Variants in TEX36 observed in about 807,000 individuals in gnomAD.
TEX36 encodes the protein testis-expressed protein 36.
In TEX36, 12 loss-of-function variants were observed where a neutral mutation model predicts 13.6. The ratio of observed to expected loss-of-function variants is 0.88; its 90% CI spans 0.56 to 1.43. The LOEUF is 1.43. Ranked by LOEUF, TEX36 falls within the 40% of genes most tolerant of loss-of-function variation. TEX36 has a pLI of 0.00. For missense variants in TEX36, 224 were observed against 228.3 expected, an observed-to-expected ratio of 0.98 and a Z score of 0.12; for synonymous variants, 93 against 83.0, an observed-to-expected ratio of 1.12 and a Z score of -0.65.
At chr10:125,582,193 G>C (rs1479865710) in intron 3 of TEX36, among the ~76,000 whole-genome samples, 1 of 152,218 alleles carries the variant, frequency 6.6e-6, no homozygotes, top group African/African-American at 2.4e-5. Context: ...TGCCCTCAGG[G>C]AGGGCTGGCA....
chr10:125,641,410 C>G (rs758427601), intron 3 of TEX36, among the ~76,000 whole-genome samples: 21 of 152,200 alleles, frequency 1.4e-4, no homozygotes, highest in Non-Finnish European at 5.9e-5. Flanking sequence ...TGTCTGAGGG[C>G]CTTTACATCT....
At chr10:125,622,754 A>T (rs368948835) in intron 3 of TEX36, among the ~76,000 whole-genome samples, 1 of 152,204 alleles carries the variant, frequency 6.6e-6, no homozygotes, top group African/African-American at 2.4e-5. Context: ...CCTTACCTTC[A>T]TCGAGGAGTA....
chr10:125,578,294 G>T (rs1001383770), intron 3 of TEX36: 1 of 152,164 alleles, frequency 6.6e-6, no homozygotes, highest in East Asian at 1.9e-4. Context: ...TGAAATTCAC[G>T]TCAAAATGAA....
downstream of TEX36, among the ~76,000 whole-genome samples, chr10:125,654,756 C>T (rs1846913824): frequency 1.3e-5 from 2 of 152,064 alleles, 1 homozygote; most frequent in Admixed American, 1.3e-4. Flanking sequence ...CCTTAAATAT[C>T]CTTAAATATT....
At chr10:125,578,432 G>A (rs982659104) in intron 3 of TEX36, 15 of 152,300 alleles carry the variant, frequency 9.8e-5, no homozygotes, top group East Asian at 3.9e-4. Context: ...TTAAATTGTC[G>A]TCAGTTAACA....
intron 3 of TEX36, among the ~76,000 whole-genome samples, chr10:125,656,994 T>G (rs1423529235): frequency 6.6e-6 from 1 of 152,128 alleles, no homozygotes; most frequent in African/African-American, 2.4e-5. Flanking sequence ...CACCTTTAGG[T>G]CCTGGCCCAC....
intron 3 of TEX36, among the ~76,000 whole-genome samples, chr10:125,623,285 C>T (rs1194954496): frequency 1.3e-5 from 2 of 152,184 alleles, no homozygotes; most frequent in African/African-American, 4.8e-5. Flanking sequence ...GCTCTGGCAG[C>T]TGATGGGATA....
At chr10:125,664,162 G>A (rs893537279) in intron 1 of TEX36, among the ~76,000 whole-genome samples, 1 of 152,028 alleles carries the variant, frequency 6.6e-6, no homozygotes, top group Admixed American at 6.6e-5. Flanking sequence ...TGTTGCAAAT[G>A]ACAGAATCTC....
downstream of TEX36, among the ~76,000 whole-genome samples, chr10:125,653,744 CA>C (rs1846900905): frequency 6.6e-6 from 1 of 152,098 alleles, no homozygotes; most frequent in Non-Finnish European, 1.5e-5. Flanking sequence ...CCTCTAATCC[CA>C]GCACAGGAGG....
intron 3 of TEX36, among the ~76,000 whole-genome samples, chr10:125,614,519 C>T (rs919866676): frequency 2.0e-5 from 3 of 151,988 alleles, no homozygotes; most frequent in Non-Finnish European, 4.4e-5. Context: ...GTTTTCCCAG[C>T]ACCATTTATT....
chr10:125,658,506 T>G (rs531795115), intron 3 of TEX36, among the ~76,000 whole-genome samples: 1 of 152,264 alleles, frequency 6.6e-6, no homozygotes, highest in South Asian at 2.1e-4. Context: ...TATGAAAGAT[T>G]TAAATAATTC....
intron 3 of TEX36, among the ~76,000 whole-genome samples, chr10:125,607,495 A>T (rs1038371457): frequency 2.6e-5 from 4 of 152,232 alleles, no homozygotes; most frequent in Non-Finnish European, 4.4e-5. Context: ...TAACCTTGAC[A>T]GCAAATAAGA....
At chr10:125,599,468 GT>G (rs879463100) in intron 3 of TEX36, among the ~76,000 whole-genome samples, 1 of 152,068 alleles carries the variant, frequency 6.6e-6, no homozygotes, top group Non-Finnish European at 1.5e-5. Context: ...TTTACTTTTG[GT>G]TTTGTTTTTC....
At chr10:125,682,449 A>G (rs1048294731) in intron 1 of TEX36, among the ~76,000 whole-genome samples, 1 of 152,202 alleles carries the variant, frequency 6.6e-6, no homozygotes, top group Non-Finnish European at 1.5e-5. Context: ...GGGAGCCAAC[A>G]AGAATTTGTT....
downstream of TEX36, chr10:125,621,578 T>A (rs1389821551): frequency 2.2e-6 from 1 of 455,960 alleles, no homozygotes; most frequent in Admixed American, 2.4e-5. Flanking sequence ...ATGTATAAAA[T>A]GGAGTTTTTT....
intron 3 of TEX36, among the ~76,000 whole-genome samples, chr10:125,596,219 T>C (rs1290184210): frequency 6.6e-6 from 1 of 152,224 alleles, no homozygotes; most frequent in Non-Finnish European, 1.5e-5. Flanking sequence ...AATGTGATTG[T>C]TACATATGTT....
chr10:125,677,599 A>G (rs1182094412), intron 1 of TEX36, among the ~76,000 whole-genome samples: 1 of 151,964 alleles, frequency 6.6e-6, no homozygotes, highest in Non-Finnish European at 1.5e-5. Flanking sequence ...TTTCTCATTC[A>G]TATCCTGAAT....
chr10:125,587,633 G>A (rs893167474), intron 3 of TEX36, among the ~76,000 whole-genome samples: 2 of 151,650 alleles, frequency 1.3e-5, no homozygotes, highest in African/African-American at 4.8e-5. Context: ...CTAAAAATAC[G>A]AAAATTAGCC....
chr10:125,673,386 G>A (rs1218925519), intron 1 of TEX36, among the ~76,000 whole-genome samples: 1 of 152,136 alleles, frequency 6.6e-6, no homozygotes, highest in Non-Finnish European at 1.5e-5. Flanking sequence ...AGTTTAGCCA[G>A]ATATGAAATT....
Sources: gnomAD v4.1 joint callset for allele counts (sites outside exome capture counted in the v4.1 genomes callset) on GRCh38, gnomAD v4.1.1 for gene constraint, MANE v1.5 for transcripts, NCBI Gene and HGNC (gene_info 2026-07-23, HGNC 2026-07-21) for gene names.